The following ZGRF1 variants were observed in gnomAD, a reference collection of about 807,000 sequenced individuals.
ZGRF1 encodes zinc finger GRF-type containing 1.
Under a neutral mutation model 203.5 loss-of-function variants are expected in ZGRF1, and 196 were observed. The observed-to-expected ratio is 0.96, with a 90% CI of 0.86 to 1.08. ZGRF1 has a LOEUF of 1.08. ZGRF1 is among the 50% of genes least tolerant of loss of function. The pLI is 0.00. For missense variants in ZGRF1, 2,326 were observed against 2,416.3 expected (o/e 0.96, Z 0.78); for synonymous variants, 809 against 841.3 (o/e 0.96, Z 0.66).
At chr4:112,562,590 C>T in intron 17 of ZGRF1, 105 bp from the exon 18 acceptor site, 1 of 692,340 alleles carries the variant, frequency 1.4e-6, no homozygotes, top group African/African-American at 1.8e-5. Flanking sequence ...CTGAATTAAG[C>T]ACATGACATA....
intron 10 of ZGRF1, among the ~76,000 whole-genome samples, chr4:112,595,765 T>C (rs1748896790): frequency 6.6e-6 from 1 of 152,218 alleles, no homozygotes; most frequent in South Asian, 2.1e-4. Flanking sequence ...GTAAATTTTA[T>C]GATATATGGT....
intron 16 of ZGRF1, among the ~76,000 whole-genome samples, chr4:112,580,509 A>C (rs1395908743): frequency 2.6e-5 from 4 of 151,650 alleles, no homozygotes; most frequent in Admixed American, 6.6e-5. Flanking sequence ...AATGGGAGAA[A>C]ATTTTTGCAA....
At chr4:112,559,265 C>T (rs891982689) in intron 19 of ZGRF1, among the ~76,000 whole-genome samples, 2 of 152,052 alleles carry the variant, frequency 1.3e-5, no homozygotes, top group Non-Finnish European at 1.5e-5. Context: ...GTGGCGCAAT[C>T]GTGACTCACT....
At position 112,631,734 on chromosome 4, in the gene ZGRF1, CG is replaced by C. The variant is rs1342674346; in HGVS notation, c.102+195del. On this transcript the variant is annotated intron_variant, in intron 3 of 27. Transcript: ENST00000505019. ...GTGCTACTGGATAACAGATCTTATT[CG>C]TTCTATCTATTAATGAACTATTTTT... Among the ~76,000 whole-genome samples the C allele has an allele frequency of 2.0e-5, 3 of 152,210 alleles. No individual in the cohort carries two copies. In the East Asian group the frequency reaches 5.8e-4, roughly 29 times the overall value.
At chr4:112,585,405 T>C in intron 14 of ZGRF1, 136 bp downstream of exon 14, 1 of 500,694 alleles carries the variant, frequency 2.0e-6, no homozygotes, top group Non-Finnish European at 3.3e-6. Context: ...GAATTTAATG[T>C]ATGTTAGGTA....
At chr4:112,586,391 T>G (rs1308738988) in intron 13 of ZGRF1, 54 bp downstream of exon 13, 4 of 1,375,384 alleles carry the variant, frequency 2.9e-6, no homozygotes, top group Non-Finnish European at 3.9e-6. Context: ...TCTCACAATT[T>G]TACTACTTAC....
chr4:112,558,111 C>T (rs1483380506), intron 20 of ZGRF1, 39 bp downstream of exon 20: 2 of 1,574,594 alleles, frequency 1.3e-6, no homozygotes, highest in Admixed American at 3.7e-5. Flanking sequence ...CAACAATATC[C>T]CAAAACATTA....
At chr4:112,576,019 G>A (rs1246337893) in intron 16 of ZGRF1, among the ~76,000 whole-genome samples, 1 of 152,218 alleles carries the variant, frequency 6.6e-6, no homozygotes, top group East Asian at 1.9e-4. Context: ...CTAACTGGGA[G>A]GCACCCCCCA....
At chr4:112,543,305 A>G (rs1290255442) in intron 24 of ZGRF1, among the ~76,000 whole-genome samples, 1 of 152,054 alleles carries the variant, frequency 6.6e-6, no homozygotes, top group Non-Finnish European at 1.5e-5. Context: ...ACATGTTTTT[A>G]TATGTTTATT....
In ZGRF1 at chr4:112,587,493, C is replaced by CT. The variant is rs770121110; in HGVS notation, c.3563dup (p.Ser1189GlufsTer2). ...AAGAGCTTTCATTGACAGCATCACT[C>CT]TGTCTTTCACTTGTGTCTCTAAAAT... On this transcript the variant is annotated frameshift_variant, in exon 12 of 28. Coordinates refer to ENST00000505019, the MANE Select transcript of ZGRF1 (RefSeq NM_018392.5). LOFTEE classifies it high-confidence loss of function. The CT allele has an allele frequency of 1.2e-6, 2 of 1,611,644 alleles. No homozygotes were observed. The highest frequency in any genetic ancestry group is 1.7e-6 in the Non-Finnish European group (2 of 1,177,754).
intron 18 of ZGRF1, chr4:112,561,233 A>T (rs1409872901): frequency 1.5e-5 from 7 of 465,670 alleles, no homozygotes; most frequent in Non-Finnish European, 1.2e-5. Flanking sequence ...TGAGCATTTT[A>T]CATATTACTT....
At position 112,617,969 on chromosome 4, in the gene ZGRF1, A is replaced by C; in HGVS notation, c.2073T>G (p.Ile691Met). ...KSKGINMNLH[I>M]PHIQNQIAEN... The stretch of plus-strand genomic sequence containing the variant: ...CAGCAATCTGGTTTTGAATATGAGG[A>C]ATATGTAAATTCATGTTTATACCTT... Residue 691 changes from isoleucine (I) to methionine (M), a missense_variant, in exon 6 of 28, where the codon ATT (isoleucine) becomes ATG (methionine). Coordinates refer to ENST00000505019, the MANE Select transcript of ZGRF1 (RefSeq NM_018392.5). 3 of 1,613,062 alleles carry C rather than the reference A, an allele frequency of 1.9e-6. No individual in the cohort carries two copies. Among genetic ancestry groups the C allele is most frequent in the Non-Finnish European group, 2.5e-6 (3 of 1,179,914 alleles).
chr4:112,589,750 TC>T lies in ZGRF1; in HGVS notation c.3100del (p.Asp1034MetfsTer11), dbSNP rs1203840019. ...CTCCAAGTTGAGAAAATGAAGATCA[TC>T]AGGTAAAGTTCTTGCTTTCAGGGAC... ...ETSLKARTLP[D>X]DLHFLNLEGM... On this transcript the variant is annotated frameshift_variant, in exon 11 of 28. Transcript: ENST00000505019. LOFTEE classifies it high-confidence loss of function. 1.9e-6 allele frequency: 3 copies of T among 1,613,912 alleles called. No individual in the cohort carries two copies. The highest frequency in any genetic ancestry group is 2.5e-6 in the Non-Finnish European group (3 of 1,179,882).
At chr4:112,542,302 A>G (rs570651884) in intron 24 of ZGRF1, among the ~76,000 whole-genome samples, 1 of 152,352 alleles carries the variant, frequency 6.6e-6, no homozygotes, top group East Asian at 1.9e-4. Context: ...CTCAAATGTT[A>G]AAGAAATGAC....
At chr4:112,563,009 A>G in intron 17 of ZGRF1, 122 bp downstream of exon 17, 1 of 626,022 alleles carries the variant, frequency 1.6e-6, no homozygotes, top group African/African-American at 1.8e-5. Flanking sequence ...ATTTTCAGGA[A>G]CTCACTGTAC....
intron 20 of ZGRF1, among the ~76,000 whole-genome samples, chr4:112,555,458 T>C (rs1450717397): frequency 6.6e-6 from 1 of 152,166 alleles, no homozygotes; most frequent in African/African-American, 2.4e-5. Context: ...AAACTATAGA[T>C]CTCTAAAAAC....
At chr4:112,555,845 G>A (rs538413573) in intron 20 of ZGRF1, among the ~76,000 whole-genome samples, 1 of 152,276 alleles carries the variant, frequency 6.6e-6, no homozygotes, top group South Asian at 2.1e-4. Flanking sequence ...GTTCTTCTCA[G>A]AGATTTAAGC....
chr4:112,560,943 G>A lies in ZGRF1; in HGVS notation c.4750C>T (p.Pro1584Ser). ...NKRVSKRKFI[P>S]PAFTNVSTKF... ...GTACTGACATTTGTGAAGGCTGGTG[G>A]GATAAATTTTCTCTTACTGACTCTT... Residue 1584 changes from proline (P) to serine (S), a missense_variant, in exon 19 of 28, where the codon CCA becomes TCA. Coordinates refer to ENST00000505019, the MANE Select transcript of ZGRF1 (RefSeq NM_018392.5). 1 of 1,611,524 alleles carries A rather than the reference G, an allele frequency of 6.2e-7. No individual in the cohort carries two copies. The highest frequency in any genetic ancestry group is 8.5e-7 in the Non-Finnish European group (1 of 1,178,288).
intron 24 of ZGRF1, among the ~76,000 whole-genome samples, chr4:112,544,412 T>A (rs1274061781): frequency 6.6e-6 from 1 of 152,156 alleles, no homozygotes; most frequent in Non-Finnish European, 1.5e-5. Flanking sequence ...GGGGTGGAAG[T>A]AGAAAATGCA....
Sources: gnomAD v4.1 joint callset for allele counts (sites outside exome capture counted in the v4.1 genomes callset) on GRCh38, gnomAD v4.1.1 for gene constraint, MANE v1.5 for transcripts, NCBI Gene and HGNC (gene_info 2026-07-23, HGNC 2026-07-21) for gene names.